The following STXBP5L variants were observed in gnomAD, a reference collection of about 807,000 sequenced individuals.
STXBP5L encodes syntaxin binding protein 5L, also known as syntaxin-binding protein 5-like.
A neutral mutation model predicts 144.5 loss-of-function variants in STXBP5L; 65 were observed. That is an observed-to-expected ratio of 0.45 (90% CI 0.37 to 0.55). The LOEUF (loss-of-function observed/expected upper bound fraction) is 0.55, where lower values mean the gene tolerates loss of function less well. STXBP5L is among the 20% of genes least tolerant of loss of function. STXBP5L has a pLI of 0.00. For missense variants in STXBP5L, 1,298 were observed against 1,405.5 expected, an observed-to-expected ratio of 0.92 and a Z score of 1.22; for synonymous variants, 505 against 469.6, an observed-to-expected ratio of 1.08 and a Z score of -0.97.
In STXBP5L at chr3:121,022,116, A is replaced by C. The variant is rs543617033; in HGVS notation, c.288-19584A>C. On this transcript the variant is annotated intron_variant, in intron 3 of 26. Coordinates refer to ENST00000471454, the MANE Select transcript of STXBP5L (RefSeq NM_001308330.2). Reference sequence around the variant, plus strand: ...AACCAATACCACAGAAATACAAAAGATCGTTCAAAGCTACTATGAACACCT... The same window carrying C: ...AACCAATACCACAGAAATACAAAAGCTCGTTCAAAGCTACTATGAACACCT... Among the ~76,000 whole-genome samples, 18 of 152,280 alleles carry C rather than the reference A, an allele frequency of 1.2e-4. No individual in the cohort carries two copies. In the South Asian group the frequency reaches 3.7e-3, roughly 32 times the overall value.
chr3:121,318,586 T>G, intron 20 of STXBP5L, 46 bp downstream of exon 20: 18 of 1,218,712 alleles, frequency 1.5e-5, no homozygotes, highest in Non-Finnish European at 1.9e-5. Context: ...TTCACTGCAG[T>G]AATCTGTTGC....
chr3:121,226,327 T>C (rs1438156513), intron 11 of STXBP5L, among the ~76,000 whole-genome samples: 1 of 151,346 alleles, frequency 6.6e-6, no homozygotes. Flanking sequence ...TAAGGGGAGG[T>C]GAGGATAGAA....
intron 6 of STXBP5L, among the ~76,000 whole-genome samples, chr3:121,117,457 C>A (rs1480496368): frequency 6.6e-6 from 1 of 151,762 alleles, no homozygotes; most frequent in Non-Finnish European, 1.5e-5. Context: ...ATGCCAATTT[C>A]CAATCTCCTG....
chr3:121,376,816 G>T (rs2046197204), intron 20 of STXBP5L, among the ~76,000 whole-genome samples: 1 of 152,062 alleles, frequency 6.6e-6, no homozygotes. Context: ...AATAGCTTTG[G>T]GCAGTATGGC....
chr3:121,398,661 C>T (rs945155821), intron 22 of STXBP5L, among the ~76,000 whole-genome samples: 1 of 152,166 alleles, frequency 6.6e-6, no homozygotes, highest in African/African-American at 2.4e-5. Context: ...TTAAAACAAG[C>T]CCCAGGAAAT....
rs374466133 is a variant in STXBP5L at position 121,041,755 on chromosome 3, C to T, written c.343C>T (p.Leu115=). 3.7e-6 allele frequency: 6 copies of T among 1,612,366 alleles called. No individual in the cohort carries two copies. The African/African-American group carries it at 8.0e-5, about 22-fold the overall frequency. The change falls in exon 4 of 27, where the codon CTA becomes TTA. Residue 115 remains leucine, a synonymous_variant. Coordinates refer to ENST00000471454, the MANE Select transcript of STXBP5L (RefSeq NM_001308330.2). ...YCQHESGAAV[L]QLQFLINEGA... ...CCAACATGAAAGTGGTGCAGCTGTC[C>T]TACAGCTCCAATTTTTGATCAATGA...
intron 19 of STXBP5L, among the ~76,000 whole-genome samples, chr3:121,297,226 G>A (rs1187774276): frequency 2.0e-5 from 3 of 151,730 alleles, no homozygotes; most frequent in African/African-American, 7.3e-5. Context: ...GTGTGTGTGT[G>A]TGTGTGTGTG....
chr3:120,975,918 T>C (rs1158806121), intron 3 of STXBP5L, among the ~76,000 whole-genome samples: 3 of 152,154 alleles, frequency 2.0e-5, no homozygotes, highest in Non-Finnish European at 4.4e-5. Flanking sequence ...TGGATAAGCT[T>C]TTTGATGTGC....
chr3:121,182,553 C>T (rs1389346241), intron 9 of STXBP5L, among the ~76,000 whole-genome samples: 1 of 151,898 alleles, frequency 6.6e-6, no homozygotes, highest in Non-Finnish European at 1.5e-5. Context: ...GCATTAAATG[C>T]CTACATCAAA....
chr3:121,277,325 C>T (rs1208828834), intron 18 of STXBP5L, among the ~76,000 whole-genome samples: 1 of 152,004 alleles, frequency 6.6e-6, no homozygotes. Context: ...AAAGTTCCCA[C>T]CTCTTAATAC....
intron 8 of STXBP5L, among the ~76,000 whole-genome samples, chr3:121,154,964 C>G (rs1310124607): frequency 1.3e-5 from 2 of 151,798 alleles, no homozygotes; most frequent in African/African-American, 4.8e-5. Context: ...TTTTCTAATT[C>G]CCACTTCCAA....
At chr3:121,167,962 G>A (rs985054203) in intron 9 of STXBP5L, among the ~76,000 whole-genome samples, 1 of 152,112 alleles carries the variant, frequency 6.6e-6, no homozygotes, top group Admixed American at 6.5e-5. Context: ...GTGCCCCTCT[G>A]GGACAAGCTT....
intron 9 of STXBP5L, among the ~76,000 whole-genome samples, chr3:121,172,705 A>G (rs1197339269): frequency 6.6e-6 from 1 of 152,218 alleles, no homozygotes; most frequent in Non-Finnish European, 1.5e-5. Context: ...GGATGTGGAG[A>G]AATAGGAATG....
At chr3:121,209,093 T>C (rs1000577481) in intron 10 of STXBP5L, among the ~76,000 whole-genome samples, 16 of 152,322 alleles carry the variant, frequency 1.1e-4, no homozygotes, top group East Asian at 1.9e-4. Context: ...GCAAAGGACA[T>C]GAACTTGTCT....
At chr3:121,412,739 A>AAC (rs1553791254) in intron 23 of STXBP5L, among the ~76,000 whole-genome samples, 3 of 148,390 alleles carry the variant, frequency 2.0e-5, no homozygotes, top group African/African-American at 7.6e-5. Flanking sequence ...AAAAAAAAAA[A>AAC]AAAAAAAAAA....
intron 5 of STXBP5L, among the ~76,000 whole-genome samples, chr3:121,055,215 G>A (rs961323545): frequency 1.3e-5 from 2 of 152,030 alleles, no homozygotes; most frequent in African/African-American, 2.4e-5. Context: ...ATAACTTATT[G>A]GAGGAGATAA....
At chr3:121,022,754 G>A (rs182686863) in intron 3 of STXBP5L, among the ~76,000 whole-genome samples, 1 of 151,948 alleles carries the variant, frequency 6.6e-6, no homozygotes, top group Non-Finnish European at 1.5e-5. Flanking sequence ...GAGAAGGGAC[G>A]TATCTTAAGG....
intron 9 of STXBP5L, among the ~76,000 whole-genome samples, chr3:121,185,315 GT>G (rs1392117699): frequency 1.3e-5 from 2 of 152,130 alleles, no homozygotes; most frequent in Non-Finnish European, 2.9e-5. Context: ...GATCCCATTT[GT>G]CAATTTTGGC....
intron 19 of STXBP5L, among the ~76,000 whole-genome samples, chr3:121,304,763 T>A (rs552383234): frequency 5.3e-5 from 8 of 152,180 alleles, no homozygotes; most frequent in South Asian, 2.1e-4. Context: ...GATTTTTTTT[T>A]AAATCTCTAC....
Sources: allele counts gnomAD v4.1 joint callset (sites outside exome capture counted in the v4.1 genomes callset), GRCh38; gene constraint gnomAD v4.1.1; transcripts MANE v1.5; gene names NCBI Gene and HGNC (gene_info 2026-07-23, HGNC 2026-07-21).